Variants in SNRPA1 observed in about 807,000 individuals in gnomAD.
SNRPA1 encodes U2 small nuclear ribonucleoprotein A'.
In SNRPA1, 5 loss-of-function variants were observed where a neutral mutation model predicts 32.3. The ratio of observed to expected loss-of-function variants is 0.15; its 90% confidence interval spans 0.08 to 0.33. SNRPA1 has a LOEUF of 0.33. Ranked by LOEUF, SNRPA1 falls within the 10% of genes least tolerant of loss-of-function variation. SNRPA1 has a pLI of 1.00. For synonymous variants in SNRPA1, 111 were observed against 120.1 expected, an observed-to-expected ratio of 0.92 and a Z score of 0.50; for missense variants, 198 against 311.1, an observed-to-expected ratio of 0.64 and a Z score of 2.74.
intron 8 of SNRPA1, among the ~76,000 whole-genome samples, chr15:101,284,283 C>T (rs1172150319): frequency 1.3e-5 from 2 of 152,292 alleles, no homozygotes; most frequent in African/African-American, 4.8e-5. Flanking sequence ...GAAACTTGTC[C>T]AAAGGCAGAG....
intron 8 of SNRPA1, 98 bp downstream of exon 8, chr15:101,284,869 A>G (rs1211225247): frequency 3.5e-6 from 3 of 854,380 alleles, no homozygotes; most frequent in African/African-American, 3.3e-5. Flanking sequence ...GTAAGGAGGC[A>G]CTACTCTGGC....
rs543307403 is a variant in SNRPA1, at chr15:101,285,599, A to G, written c.615+127T>C. The G allele has an allele frequency of 3.4e-5, 22 of 654,818 alleles. No individual in the cohort carries two copies. In the African/African-American group the frequency reaches 3.8e-4, roughly 11 times the overall value. The allele number at this position is 654,818 out of a possible 1,614,324, so 40.6% of individuals were successfully genotyped here. On this transcript the variant is annotated intron_variant, in intron 7 of 8. Coordinates refer to ENST00000254193, the MANE Select transcript of SNRPA1 (RefSeq NM_003090.4). Reference sequence around the variant, plus strand: ...TATGCTAGTTTTTCCTTAAACAGAAATATTGCTGTATGCTAATAACTGTGG... The same window carrying G: ...TATGCTAGTTTTTCCTTAAACAGAAGTATTGCTGTATGCTAATAACTGTGG...
intron 7 of SNRPA1, chr15:101,285,279 TATAA>T (rs533062725): frequency 1.7e-5 from 9 of 533,056 alleles, no homozygotes; most frequent in Admixed American, 3.1e-5. Flanking sequence ...CAGGCCTTCT[TATAA>T]ATAATCACTC....
chr15:101,281,881 G>C, intron 8 of SNRPA1, 99 bp from the exon 9 acceptor site: 1 of 1,112,846 alleles, frequency 9.0e-7, no homozygotes. Flanking sequence ...GTTACACACT[G>C]AAGTAGGTAC....
At position 101,285,686 on chromosome 15, in the gene SNRPA1, C is replaced by T. The variant is rs565757352; in HGVS notation, c.615+40G>A. The T allele has an allele frequency of 2.9e-6, 4 of 1,372,994 alleles. No homozygotes were observed. In the African/African-American group the frequency reaches 5.7e-5, roughly 20 times the overall value. 85.1% of individuals were successfully genotyped at this position (1,372,994 alleles called of 1,614,324 possible). The stretch of plus-strand genomic sequence containing the variant: ...ATCCAGCTTTGTGTTCTGAACCCAT[C>T]TTAGCTCATTCCAGTCCAAGAATCC... On this transcript the variant is annotated intron_variant, in intron 7 of 8. Coordinates refer to ENST00000254193, the MANE Select transcript of SNRPA1 (RefSeq NM_003090.4).
rs1250224651 is a variant in SNRPA1 at position 101,284,944 on chromosome 15, T to C, written c.709+23A>G. 1.9e-6 allele frequency: 3 copies of C among 1,575,834 alleles called. No homozygotes were observed. In the Admixed American group the frequency reaches 5.0e-5, roughly 26 times the overall value. ...TCTGAGTGTAACATTAATTTGAACA[T>C]ACAAAGAACACCATTTGTTCACCTG... On this transcript the variant is annotated intron_variant, in intron 8 of 8. Transcript: ENST00000254193.
At position 101,284,845 on chromosome 15, in the gene SNRPA1, A is replaced by G. The variant is rs1459047632; in HGVS notation, c.709+122T>C. 11 of 755,132 alleles carry G rather than the reference A, an allele frequency of 1.5e-5. No individual in the cohort carries two copies. In the East Asian group the frequency reaches 2.3e-4, roughly 16 times the overall value. 46.8% of individuals were successfully genotyped at this position (755,132 alleles called of 1,614,324 possible). A position where few individuals can be genotyped will look rare whatever the true frequency, so the allele number is the denominator to read the frequency against. ...CAAAGAGCATTTAAAGAGATTTCATATATTAGATTTGATGTAAGGAGGCAC... is the reference window on the plus strand; with the variant it reads ...CAAAGAGCATTTAAAGAGATTTCATGTATTAGATTTGATGTAAGGAGGCAC... On this transcript the variant is annotated intron_variant, in intron 8 of 8. Transcript: ENST00000254193.
rs926562156 is a variant in SNRPA1 at position 101,294,822 on chromosome 15, C to CCTA, written c.82+272_82+274dup. ...CCAGCGGCGAAACAGCCAAGCAAGG[C>CCTA]CTAACAGGGCCCCACGAGGACGCAC... On this transcript the variant is annotated intron_variant, in intron 1 of 8. Transcript: ENST00000254193. The CCTA allele has an allele frequency of 1.3e-5, 5 of 386,476 alleles. 1 individual carries two copies. Among genetic ancestry groups the CCTA allele is most frequent in the Middle Eastern group, 1.3e-3 (2 of 1,494 alleles). 23.9% of individuals were successfully genotyped at this position (386,476 alleles called of 1,614,324 possible).
chr15:101,288,867 C>T (rs1008490913), intron 3 of SNRPA1, among the ~76,000 whole-genome samples: 6 of 152,194 alleles, frequency 3.9e-5, no homozygotes, highest in Non-Finnish European at 5.9e-5. Context: ...ATAAGGGCTG[C>T]AGGGGCAAGA....
intron 3 of SNRPA1, among the ~76,000 whole-genome samples, chr15:101,290,640 T>C (rs1033506575): frequency 2.6e-5 from 4 of 151,644 alleles, no homozygotes; most frequent in Non-Finnish European, 2.9e-5. Flanking sequence ...GACATGATCA[T>C]GTCTCACTGC....
At chr15:101,292,892 T>C (rs2039542683) in intron 2 of SNRPA1, 133 bp downstream of exon 2, 1 of 524,768 alleles carries the variant, frequency 1.9e-6, no homozygotes, top group Non-Finnish European at 3.1e-6. Flanking sequence ...TTTTTCAAAA[T>C]ATAAATAAAA....
Position 101,293,092 on chromosome 15 carries a change from T to C in SNRPA1, c.163A>G (p.Arg55Gly). Residue 55 changes from arginine (R) to glycine (G), a missense_variant, in exon 2 of 9, where the codon AGG (arginine) becomes GGG (glycine). Arg to Gly is a moderately radical substitution (Grantham distance 125). Coordinates refer to ENST00000254193, the MANE Select transcript of SNRPA1 (RefSeq NM_003090.4). ...DAIDFSDNEI[R>G]KLDGFPLLRR... ...AACAAAGGAAAACCATCCAGTTTCC[T>C]GATCTCATTGTCAGAAAAATCAATA... 6.2e-7 allele frequency: 1 copy of C among 1,612,438 alleles called. No individual in the cohort carries two copies. The highest frequency in any genetic ancestry group is 8.5e-7 in the Non-Finnish European group (1 of 1,178,758).
intron 1 of SNRPA1, 32 bp downstream of exon 1, chr15:101,295,065 T>C: frequency 7.2e-7 from 1 of 1,388,676 alleles, no homozygotes; most frequent in Non-Finnish European, 9.6e-7. Context: ...CGGTGCCGCC[T>C]GGGGACTGGC....
chr15:101,284,722 G>A (rs936441090), intron 8 of SNRPA1: 18 of 331,830 alleles, frequency 5.4e-5, no homozygotes, highest in African/African-American at 3.2e-4. Flanking sequence ...GGCTGGTCTC[G>A]AACTCCTGAC....
chr15:101,283,239 T>A (rs564189225), intron 8 of SNRPA1, among the ~76,000 whole-genome samples: 13 of 152,188 alleles, frequency 8.5e-5, no homozygotes, highest in Non-Finnish European at 1.6e-4. Flanking sequence ...AAGTAACACC[T>A]TGGTGTTATT....
chr15:101,285,098 TCAAC>T, intron 7 of SNRPA1, 38 bp from the exon 8 acceptor site: 1 of 1,446,204 alleles, frequency 6.9e-7, no homozygotes. Context: ...ATGATTAACT[TCAAC>T]CAAGTATCAG....
In SNRPA1 at chr15:101,294,926, C is replaced by A; in HGVS notation, c.82+171G>T. The stretch of plus-strand genomic sequence containing the variant: ...GCTCCCAGGAGCTTAACCGGATGCT[C>A]ATCTGGCAACAACGGCAAGAATCAG... On this transcript the variant is annotated intron_variant, in intron 1 of 8. Coordinates refer to ENST00000254193, the MANE Select transcript of SNRPA1 (RefSeq NM_003090.4). 6.4e-6 allele frequency: 3 copies of A among 472,168 alleles called. No individual in the cohort carries two copies. The South Asian group carries it at 9.4e-5, about 15-fold the overall frequency. 29.2% of individuals were successfully genotyped at this position (472,168 alleles called of 1,614,324 possible).
In SNRPA1 at chr15:101,287,031, C is replaced by T. The variant is rs370621614; in HGVS notation, c.357-21G>A. ...GGATACTACAAGAAAAGGAATGACA[C>T]AATGGCAAACTTGTTCATGGCACAG... On this transcript the variant is annotated intron_variant, in intron 4 of 8. Coordinates refer to ENST00000254193, the MANE Select transcript of SNRPA1 (RefSeq NM_003090.4). 6 of 1,335,156 alleles carry T rather than the reference C, an allele frequency of 4.5e-6. No homozygotes were observed. The African/African-American group carries it at 8.6e-5, about 19-fold the overall frequency. 82.7% of individuals were successfully genotyped at this position (1,335,156 alleles called of 1,614,324 possible).
chr15:101,289,121 C>T (rs1180792976), intron 3 of SNRPA1, among the ~76,000 whole-genome samples: 1 of 152,170 alleles, frequency 6.6e-6, no homozygotes, highest in Admixed American at 6.5e-5. Context: ...GAGCTTGATA[C>T]TGTTTTACCC....
Sources: gnomAD v4.1 joint callset for allele counts (sites outside exome capture counted in the v4.1 genomes callset) on GRCh38, gnomAD v4.1.1 for gene constraint, MANE v1.5 for transcripts, NCBI Gene and HGNC (gene_info 2026-07-23, HGNC 2026-07-21) for gene names.